Variants in FN3K observed in about 807,000 individuals in gnomAD.
The protein encoded by FN3K is fructosamine 3 kinase, also known as fructosamine-3-kinase.
FN3K carries 24 observed loss-of-function variants against 24.8 expected under a neutral mutation model. The ratio of observed to expected loss-of-function variants is 0.97; its 90% CI spans 0.70 to 1.36. The LOEUF is 1.36. Among genes scored for constraint, FN3K ranks in the 40% most tolerant of loss-of-function variants. The pLI, the probability that FN3K is intolerant of heterozygous loss-of-function variation, is 0.00. For missense variants in FN3K, 449 were observed against 416.7 expected, an observed-to-expected ratio of 1.08 and a Z score of -0.67; for synonymous variants, 192 against 175.2, an observed-to-expected ratio of 1.10 and a Z score of -0.76.
chr17:82,750,707 G>A lies in FN3K; in HGVS notation c.882G>A (p.Arg294=), dbSNP rs765820642. The A allele has an allele frequency of 5.0e-6, 8 of 1,613,680 alleles. No homozygotes were observed. The highest frequency in any genetic ancestry group is 1.3e-5 in the African/African-American group (1 of 74,994). ...TGAACCACTGGAACCACTTCGGGCG[G>A]GAGTACAGGAGCCCTTCCTTGGGCA... ...NYLNHWNHFG[R]EYRSPSLGTM... Residue 294 remains arginine, a synonymous_variant, in exon 6 of 6, where the codon CGG becomes CGA. Coordinates refer to ENST00000300784, the MANE Select transcript of FN3K (RefSeq NM_022158.4).
At chr17:82,744,782 A>T (rs942376321) in intron 4 of FN3K, among the ~76,000 whole-genome samples, 1 of 152,214 alleles carries the variant, frequency 6.6e-6, no homozygotes, top group African/African-American at 2.4e-5. Flanking sequence ...GTCAGCAGAC[A>T]AACATGTGAA....
chr17:82,745,122 A>G (rs2046961530), intron 4 of FN3K: 1 of 156,268 alleles, frequency 6.4e-6, no homozygotes, highest in Admixed American at 6.5e-5. Context: ...CCTTCCTACG[A>G]GGCCATATTT....
At chr17:82,741,199 G>C in intron 3 of FN3K, 112 bp from the exon 4 acceptor site, 1 of 935,922 alleles carries the variant, frequency 1.1e-6, no homozygotes, top group Non-Finnish European at 1.7e-6. Context: ...TACATCCTCA[G>C]ACCACCTATA....
chr17:82,750,305 G>A, intron 5 of FN3K, 112 bp from the exon 6 acceptor site: 1 of 941,630 alleles, frequency 1.1e-6, no homozygotes, highest in Non-Finnish European at 1.7e-6. Context: ...AGGCAGTGCT[G>A]GGGCTGGACA....
intron 4 of FN3K, chr17:82,745,116 C>A (rs957886644): frequency 4.5e-5 from 7 of 155,914 alleles, no homozygotes; most frequent in Admixed American, 6.5e-5. Flanking sequence ...TCTTTCCCTT[C>A]CTACGAGGCC....
chr17:82,735,840 G>A (rs1274901657), intron 1 of FN3K, 63 bp downstream of exon 1: 5 of 1,519,516 alleles, frequency 3.3e-6, no homozygotes, highest in Admixed American at 2.0e-5. Context: ...AGGCGGAGGG[G>A]TCGGGGGCAG....
intron 1 of FN3K, among the ~76,000 whole-genome samples, chr17:82,736,650 G>C (rs1326346069): frequency 1.3e-5 from 2 of 152,190 alleles, no homozygotes; most frequent in Non-Finnish European, 2.9e-5. Context: ...GCCCGAGTGG[G>C]CTCAGAAGGC....
At chr17:82,748,336 G>A (rs1469237742) in intron 4 of FN3K, among the ~76,000 whole-genome samples, 2 of 151,934 alleles carry the variant, frequency 1.3e-5, no homozygotes, top group African/African-American at 4.8e-5. Flanking sequence ...TAGTAGAGAT[G>A]GAGTTTCCTT....
intron 4 of FN3K, among the ~76,000 whole-genome samples, chr17:82,748,531 T>C (rs1232137486): frequency 6.6e-6 from 1 of 152,162 alleles, no homozygotes; most frequent in Non-Finnish European, 1.5e-5. Context: ...ATAATGTCTT[T>C]TTGCACATAA....
At chr17:82,743,665 A>G (rs577461156) in intron 4 of FN3K, among the ~76,000 whole-genome samples, 1 of 152,326 alleles carries the variant, frequency 6.6e-6, no homozygotes. Context: ...CACTGAACTC[A>G]ACTCACCCAC....
At position 82,741,308 on chromosome 17, in the gene FN3K, C is replaced by T. The variant is rs1177666399; in HGVS notation, c.386-3C>T. On this transcript the variant is annotated splice_polypyrimidine_tract_variant and splice_region_variant and intron_variant, in intron 3 of 5. Coordinates refer to ENST00000300784, the MANE Select transcript of FN3K (RefSeq NM_022158.4). ...CCTTCAGGCCAAGGATCTCTGTCAACAGGCCGAAGAGGTGAGGGTGCTGAG... is the reference window on the plus strand; with the variant it reads ...CCTTCAGGCCAAGGATCTCTGTCAATAGGCCGAAGAGGTGAGGGTGCTGAG... 6.2e-7 allele frequency: 1 copy of T among 1,613,478 alleles called. No homozygotes were observed. Among genetic ancestry groups the T allele is most frequent in the Non-Finnish European group, 8.5e-7 (1 of 1,179,716 alleles).
rs1183037843 is a variant in FN3K at position 82,751,000 on chromosome 17, C to T, written c.*245C>T. The T allele has an allele frequency of 2.3e-5, 4 of 175,380 alleles. No homozygotes were observed. In the African/African-American group the frequency reaches 3.2e-4, roughly 14 times the overall value. 10.9% of individuals were successfully genotyped at this position (175,380 alleles called of 1,614,324 possible). A position where few individuals can be genotyped will look rare whatever the true frequency, so the allele number is the denominator to read the frequency against. ...ATCCCCCTGTCCCCGACCCCCCATC[C>T]CCGTCCCCCATCTCCGTCCCCGTCC... On this transcript the variant is annotated 3_prime_UTR_variant, in exon 6 of 6. Coordinates refer to ENST00000300784, the MANE Select transcript of FN3K (RefSeq NM_022158.4).
Position 82,735,878 on chromosome 17 carries a change from A to C in FN3K, c.141+101A>C, listed in dbSNP as rs2046897565. The C allele has an allele frequency of 4.1e-6, 6 of 1,468,264 alleles. 1 individual carries two copies. In the East Asian group the frequency reaches 1.5e-4, roughly 37 times the overall value. 91.0% of individuals were successfully genotyped at this position (1,468,264 alleles called of 1,614,324 possible). ...GCATTTCCTGGGGCTGGGCCTGGGG[A>C]GGGGTCAGCTTTGGCCCTTGGGAGG... On this transcript the variant is annotated intron_variant, in intron 1 of 5. Transcript: ENST00000300784.
intron 4 of FN3K, among the ~76,000 whole-genome samples, chr17:82,747,462 A>C (rs1403753041): frequency 6.6e-6 from 1 of 152,064 alleles, no homozygotes; most frequent in African/African-American, 2.4e-5. Flanking sequence ...GTGCAATGGC[A>C]CAATCTCAGC....
chr17:82,740,545 T>C (rs1337505448), intron 2 of FN3K, among the ~76,000 whole-genome samples: 7 of 151,930 alleles, frequency 4.6e-5, no homozygotes, highest in African/African-American at 1.7e-4. Flanking sequence ...TGAGCCATGA[T>C]TGTGCCACTG....
At chr17:82,738,700 A>C in intron 2 of FN3K, 60 bp downstream of exon 2, 1 of 1,597,142 alleles carries the variant, frequency 6.3e-7, no homozygotes. Context: ...ACTCAGAGAC[A>C]AACAGAGAGA....
chr17:82,748,209 C>T (rs1425286513), intron 4 of FN3K, among the ~76,000 whole-genome samples: 2 of 150,180 alleles, frequency 1.3e-5, no homozygotes, highest in Admixed American at 6.7e-5. Flanking sequence ...AGTGCAATGG[C>T]GCGATCTCGG....
At chr17:82,736,879 C>T (rs1457500590) in intron 1 of FN3K, among the ~76,000 whole-genome samples, 1 of 152,240 alleles carries the variant, frequency 6.6e-6, no homozygotes, top group Admixed American at 6.5e-5. Context: ...GGGAAACTTC[C>T]TCAGCTGGTC....
intron 4 of FN3K, 96 bp downstream of exon 4, chr17:82,741,489 T>G: frequency 1.8e-6 from 2 of 1,123,082 alleles, no homozygotes; most frequent in Non-Finnish European, 2.6e-6. Context: ...ACCAGCAAGA[T>G]TGACTACTTG....
Sources: gnomAD v4.1 joint callset for allele counts (sites outside exome capture counted in the v4.1 genomes callset) on GRCh38, gnomAD v4.1.1 for gene constraint, MANE v1.5 for transcripts, NCBI Gene and HGNC (gene_info 2026-07-23, HGNC 2026-07-21) for gene names.